Variants in ARFGEF3 observed in about 807,000 individuals in gnomAD.
ARFGEF3 encodes the protein brefeldin A-inhibited guanine nucleotide-exchange protein 3.
Under a neutral mutation model 221.7 loss-of-function variants are expected in ARFGEF3, and 96 were observed. That is an observed-to-expected ratio of 0.43 (90% confidence interval 0.37 to 0.51). ARFGEF3 has a LOEUF of 0.51. Ranked by LOEUF, ARFGEF3 falls within the 20% of genes least tolerant of loss-of-function variation. ARFGEF3 has a pLI of 0.00. For synonymous variants in ARFGEF3, 1,145 were observed against 1,126.8 expected (o/e 1.02, Z -0.32); for missense variants, 2,410 against 2,789.9 (o/e 0.86, Z 3.07).
rs1018369189 is a variant in ARFGEF3 at position 138,319,825 on chromosome 6, A to G, written c.4597A>G (p.Ile1533Val). ...DMASANFKHA[I>V]GLSCELVVEH... ...GGCCTCTGCCAATTTCAAGCACGCTATTGGTCTGTCCTGTGAGCTGGTGGT... is the reference window on the plus strand; with the variant it reads ...GGCCTCTGCCAATTTCAAGCACGCTGTTGGTCTGTCCTGTGAGCTGGTGGT... Residue 1533 changes from isoleucine to valine, a missense_variant, in exon 28 of 34, where the codon ATT (isoleucine) becomes GTT (valine). By Grantham distance (29) the Ile-to-Val change is conservative. Around this residue, in one of 5 missense-constraint regions of ARFGEF3, gnomAD observed 723 missense variants for 991.9 expected, o/e 0.73. Coordinates refer to ENST00000251691, the MANE Select transcript of ARFGEF3 (RefSeq NM_020340.5). The G allele has an allele frequency of 2.5e-6, 4 of 1,613,906 alleles. No individual in the cohort carries two copies. Among genetic ancestry groups the G allele is most frequent in the Non-Finnish European group, 3.4e-6 (4 of 1,179,890 alleles).
chr6:138,202,249 G>T (rs1277981422), intron 2 of ARFGEF3, among the ~76,000 whole-genome samples: 1 of 152,146 alleles, frequency 6.6e-6, no homozygotes, highest in Non-Finnish European at 1.5e-5. Flanking sequence ...ATCAAAAGAT[G>T]ATTTATTCCA....
chr6:138,166,076 G>T (rs901003515), intron 1 of ARFGEF3, among the ~76,000 whole-genome samples: 12 of 152,230 alleles, frequency 7.9e-5, no homozygotes, highest in African/African-American at 2.7e-4. Context: ...CCAGGGGAAT[G>T]GATACTCGTC....
chr6:138,304,185 A>G (rs997953501), intron 22 of ARFGEF3, among the ~76,000 whole-genome samples: 2 of 152,246 alleles, frequency 1.3e-5, no homozygotes, highest in Non-Finnish European at 2.9e-5. Flanking sequence ...AAGTACTGAT[A>G]TATGTACGAC....
intron 27 of ARFGEF3, among the ~76,000 whole-genome samples, chr6:138,317,947 G>A (rs76451554): frequency 0.042 from 6,366 of 152,216 alleles, 117 homozygotes; most frequent in South Asian, 0.048. Flanking sequence ...TTTATTTCTT[G>A]TTGTGAATTA....
chr6:138,277,041 A>C (rs760660220), intron 12 of ARFGEF3, among the ~76,000 whole-genome samples: 2 of 152,200 alleles, frequency 1.3e-5, no homozygotes, highest in Non-Finnish European at 2.9e-5. Flanking sequence ...TTGCTATTTT[A>C]ATAAATTTTA....
intron 22 of ARFGEF3, among the ~76,000 whole-genome samples, chr6:138,303,860 CAAAAAAAAAAA>C (rs140349507): frequency 2.4e-4 from 5 of 20,616 alleles, no homozygotes; most frequent in African/African-American, 6.0e-4. Context: ...GACTCCGTCT[CAAAAAAAAAAA>C]AAAAAAAAAA....
At chr6:138,319,607 T>C (rs778433514) in intron 27 of ARFGEF3, 96 bp from the exon 28 acceptor site, 7 of 819,642 alleles carry the variant, frequency 8.5e-6, no homozygotes, top group Non-Finnish European at 1.3e-5. Context: ...TCTCAGCAAA[T>C]GTAGGGATCC....
intron 22 of ARFGEF3, among the ~76,000 whole-genome samples, chr6:138,304,106 C>T (rs1779677153): frequency 6.6e-6 from 1 of 152,052 alleles, no homozygotes; most frequent in Admixed American, 6.5e-5. Flanking sequence ...CAGATTCCAA[C>T]AGCTAATGAA....
intron 32 of ARFGEF3, among the ~76,000 whole-genome samples, chr6:138,331,470 G>C (rs1359347869): frequency 1.3e-5 from 2 of 152,230 alleles, no homozygotes; most frequent in East Asian, 3.8e-4. Context: ...CCATCCTTTA[G>C]ATGTAATCCT....
intron 2 of ARFGEF3, among the ~76,000 whole-genome samples, chr6:138,171,458 G>A (rs1034164741): frequency 6.6e-6 from 1 of 152,140 alleles, no homozygotes; most frequent in Non-Finnish European, 1.5e-5. Context: ...GGCAACCCTG[G>A]CTGGACATCA....
chr6:138,277,141 C>T (rs1397617314), intron 12 of ARFGEF3, among the ~76,000 whole-genome samples: 2 of 152,168 alleles, frequency 1.3e-5, no homozygotes, highest in Non-Finnish European at 2.9e-5. Context: ...AGGTACTCTG[C>T]CCCTGGTCCC....
intron 26 of ARFGEF3, 60 bp from the exon 27 acceptor site, chr6:138,317,191 T>TG: frequency 2.0e-6 from 3 of 1,509,720 alleles, no homozygotes; most frequent in Non-Finnish European, 2.7e-6. Flanking sequence ...AATTGGATCT[T>TG]GAGATGATTA....
At chr6:138,210,969 C>A (rs1296449387) in intron 4 of ARFGEF3, among the ~76,000 whole-genome samples, 1 of 152,102 alleles carries the variant, frequency 6.6e-6, no homozygotes, top group Non-Finnish European at 1.5e-5. Flanking sequence ...GTGGGTAGTT[C>A]AGGTGATGAT....
intron 3 of ARFGEF3, among the ~76,000 whole-genome samples, chr6:138,207,588 T>G (rs755930134): frequency 1.3e-5 from 2 of 152,204 alleles, no homozygotes; most frequent in South Asian, 4.1e-4. Flanking sequence ...AGAGCAAGAC[T>G]AGGAAGAAAA....
intron 7 of ARFGEF3, among the ~76,000 whole-genome samples, chr6:138,244,228 C>G (rs1233330774): frequency 1.3e-5 from 2 of 152,222 alleles, no homozygotes; most frequent in East Asian, 3.9e-4. Flanking sequence ...TTCTGAGGAC[C>G]AGGCATTTAT....
At chr6:138,243,039 G>A in intron 7 of ARFGEF3, 45 bp downstream of exon 7, 1 of 1,472,796 alleles carries the variant, frequency 6.8e-7, no homozygotes, top group Non-Finnish European at 9.5e-7. Flanking sequence ...AAGCAGGTGT[G>A]AGAATGCCTA....
intron 4 of ARFGEF3, among the ~76,000 whole-genome samples, chr6:138,215,299 G>T (rs924817855): frequency 6.6e-6 from 1 of 152,282 alleles, no homozygotes; most frequent in Admixed American, 6.5e-5. Flanking sequence ...GGAGATGTGG[G>T]CATCCTATCT....
At chr6:138,296,700 G>A (rs907491120) in intron 20 of ARFGEF3, 110 bp from the exon 21 acceptor site, 8 of 1,315,550 alleles carry the variant, frequency 6.1e-6, no homozygotes, top group African/African-American at 2.9e-5. Context: ...AGCCAATATC[G>A]AATTACCCTA....
intron 24 of ARFGEF3, among the ~76,000 whole-genome samples, chr6:138,310,431 A>G (rs1374206204): frequency 6.6e-6 from 1 of 152,214 alleles, no homozygotes; most frequent in Non-Finnish European, 1.5e-5. Flanking sequence ...CTTCCATACT[A>G]CCAGGCAGAG....
Sources: allele counts gnomAD v4.1 joint callset (sites outside exome capture counted in the v4.1 genomes callset), GRCh38; gene constraint gnomAD v4.1.1; regional missense constraint gnomAD v4.1.1; transcripts MANE v1.5; gene names NCBI Gene and HGNC (gene_info 2026-07-23, HGNC 2026-07-21).